The following SLIT3 variants were observed in gnomAD, a reference collection of about 807,000 sequenced individuals.
SLIT3 encodes the protein slit guidance ligand 3, also known as slit homolog 3 protein.
A neutral mutation model predicts 184.0 loss-of-function variants in SLIT3; 68 were observed. The ratio of observed to expected loss-of-function variants is 0.37; its 90% confidence interval spans 0.30 to 0.45. The LOEUF (loss-of-function observed/expected upper bound fraction) is 0.45, where lower values mean the gene tolerates loss of function less well. Among genes scored for constraint, SLIT3 ranks in the 20% least tolerant of loss-of-function variants. The pLI, the probability that SLIT3 is intolerant of heterozygous loss-of-function variation, is 1.00. For synonymous variants in SLIT3, 831 were observed against 828.6 expected (o/e 1.00, Z -0.05); for missense variants, 1,707 against 2,026.0 (o/e 0.84, Z 3.02).
intron 3 of SLIT3, among the ~76,000 whole-genome samples, chr5:169,205,366 G>A (rs577115405): frequency 5.9e-5 from 9 of 152,312 alleles, no homozygotes; most frequent in Admixed American, 5.2e-4. Context: ...TATTCTGAGA[G>A]CTGGAGAGAA....
intron 4 of SLIT3, among the ~76,000 whole-genome samples, chr5:168,913,534 G>A (rs914471274): frequency 3.3e-5 from 5 of 152,110 alleles, no homozygotes; most frequent in Admixed American, 1.3e-4. Flanking sequence ...TTGGGAGGCC[G>A]AGGCAGGTGG....
intron 1 of SLIT3, among the ~76,000 whole-genome samples, chr5:169,275,797 C>T (rs868199157): frequency 6.6e-6 from 1 of 152,078 alleles, no homozygotes; most frequent in Non-Finnish European, 1.5e-5. Flanking sequence ...CTGGGAGATA[C>T]AATTGAAGTT....
At chr5:168,850,261 A>G (rs867842070) in intron 5 of SLIT3, among the ~76,000 whole-genome samples, 2 of 152,220 alleles carry the variant, frequency 1.3e-5, no homozygotes, top group Non-Finnish European at 2.9e-5. Flanking sequence ...CTACATTAAA[A>G]CAACATCTCA....
intron 4 of SLIT3, among the ~76,000 whole-genome samples, chr5:169,185,450 A>C (rs1435062057): frequency 6.6e-6 from 1 of 152,198 alleles, no homozygotes; most frequent in Non-Finnish European, 1.5e-5. Flanking sequence ...GCAGCCTCTG[A>C]AGCCCCACAC....
At chr5:168,992,939 G>C (rs999513248) in intron 4 of SLIT3, 17 of 152,130 alleles carry the variant, frequency 1.1e-4, no homozygotes, top group African/African-American at 3.9e-4. Flanking sequence ...CCCTTTACAC[G>C]CAGAACAATG....
intron 4 of SLIT3, among the ~76,000 whole-genome samples, chr5:169,112,186 C>T (rs952999672): frequency 1.1e-4 from 17 of 152,144 alleles, no homozygotes; most frequent in Non-Finnish European, 1.8e-4. Context: ...GGAGAGGCAC[C>T]GGGGCTATGC....
chr5:168,809,264 T>G (rs1757087174), intron 8 of SLIT3, among the ~76,000 whole-genome samples: 1 of 152,180 alleles, frequency 6.6e-6, no homozygotes, highest in Admixed American at 6.5e-5. Context: ...ACTCCCATTC[T>G]GTTTGGCAGT....
intron 4 of SLIT3, among the ~76,000 whole-genome samples, chr5:169,083,930 T>G (rs75166273): frequency 6.6e-6 from 1 of 152,192 alleles, no homozygotes; most frequent in Non-Finnish European, 1.5e-5. Flanking sequence ...TTAGTAAACC[T>G]GCTCTCTCAC....
chr5:168,825,731 A>G (rs1346730862), intron 6 of SLIT3, among the ~76,000 whole-genome samples: 2 of 152,214 alleles, frequency 1.3e-5, no homozygotes, highest in African/African-American at 4.8e-5. Context: ...AAGCTTCCAG[A>G]AGATCTCATC....
intron 4 of SLIT3, among the ~76,000 whole-genome samples, chr5:168,895,772 T>C (rs1419959968): frequency 1.3e-5 from 2 of 152,238 alleles, no homozygotes; most frequent in Non-Finnish European, 2.9e-5. Flanking sequence ...ATAGATGCTG[T>C]TCTCTTGCTT....
chr5:168,988,801 A>T (rs1295836374), intron 4 of SLIT3, among the ~76,000 whole-genome samples: 1 of 152,124 alleles, frequency 6.6e-6, no homozygotes, highest in Admixed American at 6.5e-5. Flanking sequence ...GCAGCACTAG[A>T]ATTGAGCCTC....
intron 32 of SLIT3, among the ~76,000 whole-genome samples, chr5:168,683,369 CAA>C (rs59868617): frequency 1.6e-4 from 17 of 104,790 alleles, no homozygotes; most frequent in Admixed American, 3.9e-4. Context: ...AACTCCATCT[CAA>C]AAAAAAAAAA....
chr5:168,760,814 T>A (rs769135010), intron 16 of SLIT3, 48 bp downstream of exon 16: 1 of 1,394,598 alleles, frequency 7.2e-7, no homozygotes, highest in South Asian at 1.2e-5. Context: ...GAACACAGGC[T>A]CTGGCTAGAG....
chr5:168,768,456 G>A (rs540811325), intron 14 of SLIT3, among the ~76,000 whole-genome samples: 20 of 152,236 alleles, frequency 1.3e-4, no homozygotes, highest in Admixed American at 1.1e-3. Flanking sequence ...GGAGAAGAAC[G>A]GGAGGGAAAT....
chr5:168,817,523 T>G, intron 7 of SLIT3, 60 bp from the exon 8 acceptor site: 1 of 1,563,696 alleles, frequency 6.4e-7, no homozygotes, highest in Non-Finnish European at 8.8e-7. Context: ...AGGCTGTCAC[T>G]GGCCAGACAG....
At chr5:169,126,866 C>T (rs538291037) in intron 4 of SLIT3, among the ~76,000 whole-genome samples, 32 of 152,338 alleles carry the variant, frequency 2.1e-4, no homozygotes, top group African/African-American at 7.2e-4. Flanking sequence ...AGATTTTTCT[C>T]TCCCACTTAA....
chr5:168,912,554 T>G (rs573909151), intron 4 of SLIT3, among the ~76,000 whole-genome samples: 1 of 152,340 alleles, frequency 6.6e-6, no homozygotes, highest in African/African-American at 2.4e-5. Flanking sequence ...CTAGACTATG[T>G]GACTCAGGGC....
intron 4 of SLIT3, among the ~76,000 whole-genome samples, chr5:169,090,908 T>C (rs1455054573): frequency 6.6e-6 from 1 of 152,240 alleles, no homozygotes; most frequent in African/African-American, 2.4e-5. Context: ...GTGACTGTTA[T>C]CTTAAGCTAC....
At chr5:168,905,554 G>A (rs1246725967) in intron 4 of SLIT3, among the ~76,000 whole-genome samples, 5 of 152,170 alleles carry the variant, frequency 3.3e-5, no homozygotes, top group Admixed American at 1.3e-4. Context: ...ACACAGACTC[G>A]GAGAGGTGAA....
Sources: allele counts gnomAD v4.1 joint callset (sites outside exome capture counted in the v4.1 genomes callset), GRCh38; gene constraint gnomAD v4.1.1; transcripts MANE v1.5; gene names NCBI Gene and HGNC (gene_info 2026-07-23, HGNC 2026-07-21).